The following GRID1 variants were observed in gnomAD, a reference collection of about 807,000 sequenced individuals.
The protein encoded by GRID1 is glutamate ionotropic receptor delta type subunit 1, also known as glutamate receptor ionotropic, delta-1.
GRID1 carries 28 observed loss-of-function variants against 98.0 expected under a neutral mutation model. That is an observed-to-expected ratio of 0.29 (90% CI 0.21 to 0.39). GRID1 has a LOEUF of 0.39. Among genes scored for constraint, GRID1 ranks in the 10% least tolerant of loss-of-function variants. GRID1 has a pLI of 1.00. For missense variants in GRID1, 1,111 were observed against 1,340.5 expected (o/e 0.83, Z 2.67); for synonymous variants, 553 against 538.5 (o/e 1.03, Z -0.37).
chr10:86,272,937 G>A (rs1256074702), intron 2 of GRID1, among the ~76,000 whole-genome samples: 1 of 152,098 alleles, frequency 6.6e-6, no homozygotes, highest in Non-Finnish European at 1.5e-5. Flanking sequence ...TATACTTTAA[G>A]TTTTAGGGTA....
intron 2 of GRID1, among the ~76,000 whole-genome samples, chr10:86,278,088 A>C (rs936510053): frequency 2.0e-5 from 3 of 152,138 alleles, no homozygotes; most frequent in Non-Finnish European, 2.9e-5. Flanking sequence ...TTAAATGTAA[A>C]TGGGTTAAAC....
chr10:86,222,017 TG>T (rs1846262519), intron 2 of GRID1, among the ~76,000 whole-genome samples: 1 of 151,696 alleles, frequency 6.6e-6, no homozygotes, highest in South Asian at 2.1e-4. Context: ...AGCTAAAGCA[TG>T]GGGGGAAGAA....
At chr10:85,660,847 A>G (rs1590179098) in intron 12 of GRID1, among the ~76,000 whole-genome samples, 1 of 152,184 alleles carries the variant, frequency 6.6e-6, no homozygotes, top group African/African-American at 2.4e-5. Flanking sequence ...TAGGCAATGG[A>G]GTCAGAGTGT....
chr10:86,124,536 T>G (rs563424260), intron 4 of GRID1, among the ~76,000 whole-genome samples: 2 of 152,306 alleles, frequency 1.3e-5, no homozygotes, highest in African/African-American at 4.8e-5. Flanking sequence ...TGCTCTACAG[T>G]GGTGCCCCCA....
chr10:85,653,619 C>A (rs1413304615), intron 12 of GRID1, among the ~76,000 whole-genome samples: 1 of 152,176 alleles, frequency 6.6e-6, no homozygotes, highest in Non-Finnish European at 1.5e-5. Context: ...AAACTTAATA[C>A]CCAATGTGGC....
chr10:86,196,063 G>GA (rs1845867851), intron 3 of GRID1, among the ~76,000 whole-genome samples: 1 of 152,090 alleles, frequency 6.6e-6, no homozygotes, highest in Non-Finnish European at 1.5e-5. Flanking sequence ...CCTGGCCTCT[G>GA]AGACCGCTAG....
intron 4 of GRID1, among the ~76,000 whole-genome samples, chr10:86,125,499 A>G (rs1486554247): frequency 6.6e-6 from 1 of 152,258 alleles, no homozygotes; most frequent in East Asian, 1.9e-4. Flanking sequence ...TGTAATGGTT[A>G]AAGAGCTCAG....
intron 15 of GRID1, chr10:85,606,514 T>C (rs1450804077): frequency 6.6e-6 from 1 of 152,338 alleles, no homozygotes; most frequent in East Asian, 1.9e-4. Context: ...AAATGACTCC[T>C]ATCTTTCCTG....
At chr10:85,772,275 A>G (rs1354528118) in intron 8 of GRID1, among the ~76,000 whole-genome samples, 2 of 152,122 alleles carry the variant, frequency 1.3e-5, no homozygotes, top group African/African-American at 4.8e-5. Flanking sequence ...TGAAACCAAC[A>G]AGAACAAAGA....
intron 12 of GRID1, among the ~76,000 whole-genome samples, chr10:85,684,096 C>A (rs747465711): frequency 2.6e-5 from 4 of 152,206 alleles, no homozygotes; most frequent in Non-Finnish European, 4.4e-5. Flanking sequence ...ACAATATGTG[C>A]AGATTCTGAA....
At position 85,916,434 on chromosome 10, in the gene GRID1, T is replaced by C. The variant is rs1841621378; in HGVS notation, c.727-195A>G. On this transcript the variant is annotated intron_variant, in intron 4 of 15. Transcript: ENST00000327946. The surrounding 1 kb of genome is among the most constrained non-coding windows in gnomAD (Gnocchi z 4.0). Reference sequence around the variant, plus strand: ...ATCTGAACACAGACATCTGATTTCCTGCTCTCCCTCCACGCACTCCTGCAC... The same window carrying C: ...ATCTGAACACAGACATCTGATTTCCCGCTCTCCCTCCACGCACTCCTGCAC... 6.6e-6 allele frequency among the ~76,000 whole-genome samples: 1 copy of C among 151,918 alleles called. No individual in the cohort carries two copies. The highest frequency in any genetic ancestry group is 2.1e-4 in the South Asian group (1 of 4,818).
intron 2 of GRID1, among the ~76,000 whole-genome samples, chr10:86,287,565 C>T (rs1847449956): frequency 6.6e-6 from 1 of 152,226 alleles, no homozygotes; most frequent in African/African-American, 2.4e-5. Context: ...GCCAACCTGC[C>T]ACGTTGGGTC....
At chr10:86,243,363 C>T (rs114234650) in intron 2 of GRID1, among the ~76,000 whole-genome samples, 1 of 152,154 alleles carries the variant, frequency 6.6e-6, no homozygotes, top group East Asian at 1.9e-4. Context: ...TGGGCCCTAA[C>T]CAGGCCTGGA....
intron 5 of GRID1, among the ~76,000 whole-genome samples, chr10:85,881,105 T>G (rs1841005420): frequency 6.6e-6 from 1 of 152,168 alleles, no homozygotes; most frequent in Non-Finnish European, 1.5e-5. Flanking sequence ...TACAAACCAC[T>G]GCTCAATGAA....
chr10:85,651,343 A>C (rs1370406678), intron 12 of GRID1, among the ~76,000 whole-genome samples: 1 of 152,206 alleles, frequency 6.6e-6, no homozygotes, highest in African/African-American at 2.4e-5. Flanking sequence ...TCACACCCAG[A>C]TGGAAGCAAG....
At chr10:86,264,658 T>A (rs377089201) in intron 2 of GRID1, 1 of 466,610 alleles carries the variant, frequency 2.1e-6, no homozygotes, top group Admixed American at 2.3e-5. Flanking sequence ...GTGGTGAGTC[T>A]GTAACCAGAG....
chr10:86,107,986 CCCGGGATACAGAGAGCCCTTTGT>C (rs1844418043), intron 4 of GRID1, among the ~76,000 whole-genome samples: 1 of 152,208 alleles, frequency 6.6e-6, no homozygotes, highest in Non-Finnish European at 1.5e-5. Context: ...AAGGCAAGAA[CCCGGGATACAGAGAGCCCTTTGT>C]CCGTGCGACA....
chr10:86,335,255 C>G (rs1848206603), intron 2 of GRID1, among the ~76,000 whole-genome samples: 1 of 152,254 alleles, frequency 6.6e-6, no homozygotes, highest in African/African-American at 2.4e-5. Context: ...TATTGAGTAC[C>G]TCCCAGGTGC....
intron 4 of GRID1, among the ~76,000 whole-genome samples, chr10:85,996,149 G>C (rs1842736494): frequency 1.3e-5 from 2 of 152,140 alleles, no homozygotes; most frequent in African/African-American, 4.8e-5. Context: ...GAAACCAAGA[G>C]TCATAATATT....
Sources: allele counts gnomAD v4.1 joint callset (sites outside exome capture counted in the v4.1 genomes callset), GRCh38; gene constraint gnomAD v4.1.1; non-coding constraint Gnocchi (gnomAD v3.1); transcripts MANE v1.5; gene names NCBI Gene and HGNC (gene_info 2026-07-23, HGNC 2026-07-21).